ERC2: variants seen among roughly 807,000 people sequenced by gnomAD.
The protein encoded by ERC2 is ERC protein 2.
ERC2 carries 42 observed loss-of-function variants against 114.8 expected under a neutral mutation model. That is an observed-to-expected ratio of 0.37 (90% CI 0.29 to 0.47). ERC2 has a LOEUF of 0.47. Ranked by LOEUF, ERC2 falls within the 20% of genes least tolerant of loss-of-function variation. The pLI is 0.99. For missense variants in ERC2, 939 were observed against 1,150.7 expected, an observed-to-expected ratio of 0.82 and a Z score of 2.66; for synonymous variants, 454 against 425.5, an observed-to-expected ratio of 1.07 and a Z score of -0.82.
chr3:55,891,240 C>T lies in ERC2; in HGVS notation c.2404-2691G>A, dbSNP rs1175948515. The stretch of plus-strand genomic sequence containing the variant: ...ATTCAACTCCAGTGTTACCCTTTCC[C>T]TGCCCTGGTGACCGTGGAAGCAAGT... On this transcript the variant is annotated intron_variant, in intron 13 of 17. Coordinates refer to ENST00000288221, the MANE Select transcript of ERC2 (RefSeq NM_015576.3). Among the ~76,000 whole-genome samples the T allele has an allele frequency of 4.6e-5, 7 of 152,132 alleles. No homozygotes were observed. The East Asian group carries it at 1.4e-3, about 29-fold the overall frequency.
At chr3:55,678,448 G>T (rs2061913078) in intron 17 of ERC2, among the ~76,000 whole-genome samples, 1 of 152,132 alleles carries the variant, frequency 6.6e-6, no homozygotes, top group Non-Finnish European at 1.5e-5. Context: ...GGTCCCTCTA[G>T]TCCCTAGGTC....
intron 2 of ERC2, among the ~76,000 whole-genome samples, chr3:56,426,266 C>T (rs1034991661): frequency 2.6e-5 from 4 of 152,088 alleles, no homozygotes; most frequent in South Asian, 2.1e-4. Flanking sequence ...ACATCTGAGT[C>T]GCTGGCACCA....
chr3:55,652,998 A>T (rs2060703376), intron 17 of ERC2, among the ~76,000 whole-genome samples: 1 of 151,972 alleles, frequency 6.6e-6, no homozygotes, highest in African/African-American at 2.4e-5. Flanking sequence ...CATGGCTTAG[A>T]TTATTCTTAA....
chr3:56,243,281 C>T (rs2051445550), intron 3 of ERC2, among the ~76,000 whole-genome samples: 1 of 152,188 alleles, frequency 6.6e-6, no homozygotes, highest in Non-Finnish European at 1.5e-5. Context: ...TTAGACACAG[C>T]CTCCACCTTC....
At chr3:55,915,694 C>T (rs2065054406) in intron 13 of ERC2, among the ~76,000 whole-genome samples, 1 of 152,104 alleles carries the variant, frequency 6.6e-6, no homozygotes, top group Non-Finnish European at 1.5e-5. Context: ...AGCAAGATAA[C>T]CACCCTCACT....
At chr3:56,042,023 A>T (rs1222974366) in intron 7 of ERC2, among the ~76,000 whole-genome samples, 1 of 152,188 alleles carries the variant, frequency 6.6e-6, no homozygotes, top group Non-Finnish European at 1.5e-5. Flanking sequence ...CCAGCAAATT[A>T]GCGGCAAAGT....
intron 17 of ERC2, among the ~76,000 whole-genome samples, chr3:55,552,856 T>G (rs1426884035): frequency 1.3e-5 from 2 of 151,788 alleles, no homozygotes; most frequent in African/African-American, 2.4e-5. Flanking sequence ...ATTGTCCCAG[T>G]GGATTTAAGG....
intron 14 of ERC2, among the ~76,000 whole-genome samples, chr3:55,754,154 C>T (rs2066899636): frequency 6.7e-6 from 1 of 149,334 alleles, no homozygotes; most frequent in South Asian, 2.2e-4. Context: ...GTTCAAATCA[C>T]CGATCTCTAC....
chr3:56,109,820 G>A (rs1247825353), intron 6 of ERC2, among the ~76,000 whole-genome samples: 1 of 152,144 alleles, frequency 6.6e-6, no homozygotes, highest in Non-Finnish European at 1.5e-5. Flanking sequence ...CAAACATCAA[G>A]GCGCAGAGAA....
chr3:55,986,020 G>A (rs1254044159), intron 11 of ERC2, 32 bp from the exon 12 acceptor site: 6 of 1,537,676 alleles, frequency 3.9e-6, no homozygotes, highest in Non-Finnish European at 5.2e-6. Flanking sequence ...GCAGCAATTT[G>A]GAGGATAAGC....
intron 13 of ERC2, among the ~76,000 whole-genome samples, chr3:55,901,514 G>A (rs915532140): frequency 1.2e-4 from 18 of 152,074 alleles, no homozygotes; most frequent in Admixed American, 5.9e-4. Context: ...ATTCTTTGCC[G>A]CACAGTCCCC....
intron 13 of ERC2, among the ~76,000 whole-genome samples, chr3:55,922,544 C>A (rs2065489280): frequency 6.6e-6 from 1 of 151,992 alleles, no homozygotes; most frequent in Non-Finnish European, 1.5e-5. Context: ...CCCCTTCTTT[C>A]TTTGTCTTAA....
Position 56,313,138 on chromosome 3 carries a change from CA to C in ERC2, c.658-16704del, listed in dbSNP as rs1299747794. Among the ~76,000 whole-genome samples, 31 of 122,214 alleles carry C rather than the reference CA, an allele frequency of 2.5e-4. 1 individual carries two copies. Among genetic ancestry groups the C allele is most frequent in the African/African-American group, 3.1e-4 (10 of 32,658 alleles). 80.2% of individuals were successfully genotyped at this position (122,214 alleles called of 152,430 possible). A position where few individuals can be genotyped will look rare whatever the true frequency, so the allele number is the denominator to read the frequency against. ...ACCATAAAAAAGTAATATGAATGGACAAAAAAAAAAGAGAGGAAAATATACC... is the reference window on the plus strand; with the variant it reads ...ACCATAAAAAAGTAATATGAATGGACAAAAAAAAAGAGAGGAAAATATACC... On this transcript the variant is annotated intron_variant, in intron 2 of 17. Coordinates refer to ENST00000288221, the MANE Select transcript of ERC2 (RefSeq NM_015576.3).
chr3:55,826,143 A>G (rs2060318501), intron 14 of ERC2, among the ~76,000 whole-genome samples: 1 of 152,196 alleles, frequency 6.6e-6, no homozygotes, highest in Admixed American at 6.5e-5. Context: ...ACAGCAATAA[A>G]AGCTACTTTA....
At chr3:56,201,330 T>C (rs2048392371) in intron 3 of ERC2, among the ~76,000 whole-genome samples, 1 of 152,226 alleles carries the variant, frequency 6.6e-6, no homozygotes, top group African/African-American at 2.4e-5. Flanking sequence ...TTGAATTATG[T>C]GAAAATGCCC....
intron 2 of ERC2, among the ~76,000 whole-genome samples, chr3:56,359,900 C>T (rs545106175): frequency 1.1e-4 from 16 of 152,052 alleles, no homozygotes; most frequent in Non-Finnish European, 2.2e-4. Context: ...CAGCACCAAG[C>T]TATTCATGAC....
At chr3:56,006,327 C>CT in intron 10 of ERC2, among the ~76,000 whole-genome samples, 1 of 152,110 alleles carries the variant, frequency 6.6e-6, no homozygotes, top group South Asian at 2.1e-4. Context: ...TTTTTCATAA[C>CT]TTTAGCCAAT....
chr3:56,050,444 G>A (rs148051023), intron 7 of ERC2, among the ~76,000 whole-genome samples: 132 of 152,236 alleles, frequency 8.7e-4, no homozygotes, highest in African/African-American at 3.1e-3. Flanking sequence ...CAATGGAAAA[G>A]TGTTGGGGTC....
intron 2 of ERC2, among the ~76,000 whole-genome samples, chr3:56,358,200 A>G (rs1270378837): frequency 6.6e-6 from 1 of 152,126 alleles, no homozygotes; most frequent in Non-Finnish European, 1.5e-5. Context: ...TGAGAACAGA[A>G]ATGACTATGG....
Sources: gnomAD v4.1 joint callset for allele counts (sites outside exome capture counted in the v4.1 genomes callset) on GRCh38, gnomAD v4.1.1 for gene constraint, MANE v1.5 for transcripts, NCBI Gene and HGNC (gene_info 2026-07-23, HGNC 2026-07-21) for gene names.